The following TMTC2 variants were observed in gnomAD, a reference collection of about 807,000 sequenced individuals.
TMTC2 encodes protein O-mannosyl-transferase TMTC2.
Under a neutral mutation model 82.4 loss-of-function variants are expected in TMTC2, and 43 were observed. That is an observed-to-expected ratio of 0.52 (90% confidence interval 0.41 to 0.67). TMTC2 has a LOEUF of 0.67. Ranked by LOEUF, TMTC2 falls within the 30% of genes least tolerant of loss-of-function variation. The pLI is 0.00. For missense variants in TMTC2, 919 were observed against 1,012.4 expected (o/e 0.91, Z 1.25); for synonymous variants, 408 against 381.9 (o/e 1.07, Z -0.80).
chr12:82,908,117 A>G (rs1259833034), intron 3 of TMTC2, among the ~76,000 whole-genome samples: 1 of 152,112 alleles, frequency 6.6e-6, no homozygotes, highest in East Asian at 1.9e-4. Context: ...ACAAAACAGA[A>G]CAAAAACAAA....
chr12:82,750,373 C>T (rs114008101), intron 1 of TMTC2, among the ~76,000 whole-genome samples: 72 of 151,906 alleles, frequency 4.7e-4, no homozygotes, highest in African/African-American at 1.7e-3. Context: ...ATGTCTTTTC[C>T]TCATGTTTTT....
At chr12:82,869,228 G>T (rs1442001422) in intron 2 of TMTC2, among the ~76,000 whole-genome samples, 2 of 152,126 alleles carry the variant, frequency 1.3e-5, no homozygotes, top group South Asian at 2.1e-4. Context: ...TGCTCATGGG[G>T]AAATTATTTT....
intron 11 of TMTC2, among the ~76,000 whole-genome samples, chr12:83,084,973 C>T (rs903926991): frequency 3.9e-5 from 6 of 152,206 alleles, no homozygotes; most frequent in Non-Finnish European, 8.8e-5. Context: ...AGAACTTGTG[C>T]TGTCAGTGCA....
At chr12:82,800,114 G>A (rs931601275) in intron 1 of TMTC2, among the ~76,000 whole-genome samples, 1 of 152,098 alleles carries the variant, frequency 6.6e-6, no homozygotes, top group Non-Finnish European at 1.5e-5. Context: ...CCTGTGACCT[G>A]GGCAAGGCAC....
At chr12:82,826,252 T>C (rs540151798) in intron 1 of TMTC2, among the ~76,000 whole-genome samples, 3 of 152,308 alleles carry the variant, frequency 2.0e-5, no homozygotes, top group East Asian at 3.9e-4. Context: ...TATCTTTCCT[T>C]CTTATGGTGA....
intron 1 of TMTC2, among the ~76,000 whole-genome samples, chr12:82,724,643 G>T (rs1302225840): frequency 6.6e-6 from 1 of 152,164 alleles, no homozygotes; most frequent in Non-Finnish European, 1.5e-5. Context: ...CCAGTCTCAG[G>T]TGGTTCTTTA....
chr12:82,885,069 CT>C (rs572580486), intron 2 of TMTC2, among the ~76,000 whole-genome samples: 226 of 141,028 alleles, frequency 1.6e-3, no homozygotes, highest in Middle Eastern at 3.7e-3. Flanking sequence ...GATTTTTGTA[CT>C]TTTTTTTTTT....
intron 1 of TMTC2, among the ~76,000 whole-genome samples, chr12:82,745,305 G>A (rs1232861625): frequency 6.6e-6 from 1 of 152,072 alleles, no homozygotes; most frequent in Non-Finnish European, 1.5e-5. Flanking sequence ...AAAACCTTTT[G>A]TAGTGTCTGA....
At position 82,896,203 on chromosome 12, in the gene TMTC2, A is replaced by G; in HGVS notation, c.1040A>G (p.Gln347Arg). The change falls in exon 3 of 12, where the codon CAG (glutamine) becomes CGG (arginine). Residue 347 changes from glutamine (Q) to arginine (R), a missense_variant. Coordinates refer to ENST00000321196, the MANE Select transcript of TMTC2 (RefSeq NM_152588.3). The part of the protein sequence containing the change: ...CNGKTVTNGK[Q>R]NANGHSCLSD... ...GGGAAAACTGTAACAAATGGCAAGC[A>G]GAATGCAAATGGACATAGCTGCCTT... 1.2e-6 allele frequency: 2 copies of G among 1,614,104 alleles called. No homozygotes were observed. Among genetic ancestry groups the G allele is most frequent in the Non-Finnish European group, 1.7e-6 (2 of 1,180,024 alleles).
At chr12:83,019,163 A>C (rs116643521) in intron 8 of TMTC2, among the ~76,000 whole-genome samples, 125,115 of 151,962 alleles carry the variant, frequency 0.82, 52,642 homozygotes, top group South Asian at 0.96. Flanking sequence ...TAAACTAAAA[A>C]AAAAAAACAT....
At position 82,903,615 on chromosome 12, in the gene TMTC2, G is replaced by A. The variant is rs535505817; in HGVS notation, c.1483+6969G>A. Among the ~76,000 whole-genome samples the A allele has an allele frequency of 4.6e-5, 7 of 152,150 alleles. No individual in the cohort carries two copies. In the South Asian group the frequency reaches 1.2e-3, roughly 27 times the overall value. On this transcript the variant is annotated intron_variant, in intron 3 of 11. Transcript: ENST00000321196. ...TTTTTAGTAGAGACGGGGTTTCACC[G>A]TGTTGGACAGGATGGTCTCGATCTC... is the stretch of plus-strand genomic sequence containing the variant.
chr12:83,121,487 G>A (rs1194347855), intron 11 of TMTC2, among the ~76,000 whole-genome samples: 1 of 152,102 alleles, frequency 6.6e-6, no homozygotes, highest in Non-Finnish European at 1.5e-5. Context: ...CTGTTTGCAT[G>A]GTATCCTATA....
At chr12:82,797,694 T>C (rs984817102) in intron 1 of TMTC2, among the ~76,000 whole-genome samples, 1 of 152,160 alleles carries the variant, frequency 6.6e-6, no homozygotes, top group Non-Finnish European at 1.5e-5. Context: ...CTTTGAATTA[T>C]CTGACAGTGG....
intron 4 of TMTC2, among the ~76,000 whole-genome samples, chr12:82,942,792 G>A (rs1458993911): frequency 6.6e-6 from 1 of 151,924 alleles, no homozygotes; most frequent in Non-Finnish European, 1.5e-5. Flanking sequence ...AGTCAGAAAG[G>A]ATTTTATGGA....
At chr12:82,860,431 A>G (rs796488002) in intron 2 of TMTC2, among the ~76,000 whole-genome samples, 34 of 152,248 alleles carry the variant, frequency 2.2e-4, no homozygotes, top group African/African-American at 7.0e-4. Flanking sequence ...TCTTTACTAC[A>G]CTCTGATAGT....
At chr12:82,773,305 T>G (rs1877405654) in intron 1 of TMTC2, among the ~76,000 whole-genome samples, 1 of 152,192 alleles carries the variant, frequency 6.6e-6, no homozygotes. Flanking sequence ...CTAATGTTCT[T>G]TTGATTGTAT....
At chr12:82,775,169 G>A (rs565639264) in intron 1 of TMTC2, among the ~76,000 whole-genome samples, 3 of 152,134 alleles carry the variant, frequency 2.0e-5, no homozygotes, top group East Asian at 1.9e-4. Context: ...CAAGATTCCC[G>A]GCCAAGCACA....
intron 9 of TMTC2, among the ~76,000 whole-genome samples, chr12:83,045,784 CAGGCAGTTTTTAACTGTTTCTCTAA>C (rs1446352160): frequency 2.7e-5 from 4 of 145,550 alleles, no homozygotes; most frequent in South Asian, 4.4e-4. Context: ...AGGAGATGAT[CAGGCAGTTTTTAACTGTTTCTCTAA>C]AGTAATAATT....
chr12:82,730,309 A>AAAAAG (rs1462538130), intron 1 of TMTC2, among the ~76,000 whole-genome samples: 1 of 151,044 alleles, frequency 6.6e-6, no homozygotes, highest in East Asian at 1.9e-4. Context: ...AAAAAAAAAA[A>AAAAAG]AAAAAAAGCA....
Sources: gnomAD v4.1 joint callset for allele counts (sites outside exome capture counted in the v4.1 genomes callset) on GRCh38, gnomAD v4.1.1 for gene constraint, MANE v1.5 for transcripts, NCBI Gene and HGNC (gene_info 2026-07-23, HGNC 2026-07-21) for gene names.